ATP2B3: variants seen among roughly 807,000 people sequenced by gnomAD.
ATP2B3 encodes the protein plasma membrane calcium-transporting ATPase 3.
Under a neutral mutation model 70.8 loss-of-function variants are expected in ATP2B3, and 12 were observed. The ratio of observed to expected loss-of-function variants is 0.17; its 90% CI spans 0.11 to 0.27. The LOEUF (loss-of-function observed/expected upper bound fraction) is 0.27, where lower values mean the gene tolerates loss of function less well. Among genes scored for constraint, ATP2B3 ranks in the 10% least tolerant of loss-of-function variants. ATP2B3 has a pLI of 1.00. For missense variants in ATP2B3, 858 were observed against 1,118.5 expected (o/e 0.77, Z 3.32); for synonymous variants, 460 against 497.8 (o/e 0.92, Z 1.01).
At chrX:153,522,311 C>T (rs1244538696) in intron 2 of ATP2B3, among the ~76,000 whole-genome samples, 2 of 112,470 alleles carry the variant, frequency 1.8e-5, no homozygotes, top group Admixed American at 9.3e-5. Context: ...CAATGCCCTT[C>T]CTGCCCTCCT....
intron 21 of ATP2B3, chrX:153,569,754 G>C (rs781991114): frequency 8.3e-7 from 1 of 1,210,190 alleles, no homozygotes. Context: ...AGTGCTGCTG[G>C]GAGTGAGTCT....
At chrX:153,531,261 C>T (rs1233391231) in intron 2 of ATP2B3, among the ~76,000 whole-genome samples, 1 of 113,349 alleles carries the variant, frequency 8.8e-6, no homozygotes, top group Non-Finnish European at 1.9e-5. Context: ...TCCGTGCCCT[C>T]TCCCCACCTG....
At chrX:153,548,904 G>A (rs782462868) in intron 10 of ATP2B3, 50 bp downstream of exon 10, 56 of 1,134,958 alleles carry the variant, frequency 4.9e-5, no homozygotes, top group East Asian at 6.1e-5. Context: ...GGAAACTGGG[G>A]TAAGAAGTCA....
intron 3 of ATP2B3, among the ~76,000 whole-genome samples, chrX:153,538,759 A>G (rs2090233456): frequency 1.8e-5 from 2 of 112,970 alleles, no homozygotes; most frequent in Non-Finnish European, 3.8e-5. Context: ...TCAGAGCCAG[A>G]GGGGCCGCAG....
At chrX:153,547,645 C>T (rs930096476) in intron 8 of ATP2B3, among the ~76,000 whole-genome samples, 190 bp from the exon 9 acceptor site, 7 of 111,327 alleles carry the variant, frequency 6.3e-5, no homozygotes, top group Admixed American at 1.9e-4. Flanking sequence ...TGGAGCCACC[C>T]CACCCACCCC....
rs782645196 is a variant in ATP2B3, at chrX:153,537,780, C to T, written c.208+1325C>T. Among the ~76,000 whole-genome samples the T allele has an allele frequency of 1.2e-3, 133 of 112,687 alleles. No individual in the cohort carries two copies. In the Middle Eastern group the frequency reaches 0.032, roughly 27 times the overall value. On this transcript the variant is annotated intron_variant, in intron 3 of 21. Transcript: ENST00000263519. ...TTTATCCACAAGAGCTCTGGCCTCT[C>T]CCAGATCAAAGGAAGCAGATGGGCC...
intron 19 of ATP2B3, 139 bp downstream of exon 19, chrX:153,561,026 T>G: frequency 1.5e-6 from 1 of 675,475 alleles, no homozygotes; most frequent in Non-Finnish European, 2.2e-6. Context: ...CTGGCTTTCC[T>G]GTAGCCCCCG....
chrX:153,530,464 C>T (rs917027394), intron 2 of ATP2B3, among the ~76,000 whole-genome samples: 24 of 112,701 alleles, frequency 2.1e-4, no homozygotes, highest in African/African-American at 7.4e-4. Context: ...ATCGGGCAAC[C>T]TCCTGGGCTC....
chrX:153,562,024 C>A (rs1220609990), intron 19 of ATP2B3, 111 bp from the exon 20 acceptor site: 1 of 654,144 alleles, frequency 1.5e-6, no homozygotes, highest in African/African-American at 2.1e-5. Flanking sequence ...AAGGAGCAGC[C>A]CGTGCAACTG....
rs782231829 is a variant in ATP2B3 at position 153,550,298 on chromosome X, G to T, written c.1823+12G>T. 4 of 1,209,296 alleles carry T rather than the reference G, an allele frequency of 3.3e-6. No homozygotes were observed. In the East Asian group the frequency reaches 1.2e-4, roughly 36 times the overall value. On this transcript the variant is annotated intron_variant, in intron 12 of 21. Coordinates refer to ENST00000263519, the MANE Select transcript of ATP2B3 (RefSeq NM_001001344.3). ...ATCCTCTTGAAAAAGTGAGTGAGCA[G>T]CAGGGAGGTGCCGGGGTACGCACGG... is the stretch of plus-strand genomic sequence containing the variant.
rs782722592 is a variant in ATP2B3 at position 153,565,113 on chromosome X, G to T, written c.3342+10G>T. The stretch of plus-strand genomic sequence containing the variant: ...CCGGATTCAGACGCAGGTAAGCCCC[G>T]ACTCGCTCTCGCCCTGGCACTTCCA... On this transcript the variant is annotated intron_variant, in intron 21 of 21. Coordinates refer to ENST00000263519, the MANE Select transcript of ATP2B3 (RefSeq NM_001001344.3). The T allele has an allele frequency of 6.0e-6, 7 of 1,168,413 alleles. No individual in the cohort carries two copies. The South Asian group carries it at 9.6e-5, about 16-fold the overall frequency.
rs781959495 is a variant in ATP2B3, at chrX:153,549,542, G to C, written c.1384G>C (p.Glu462Gln). ...CCTGGTGCGCCACCTGGATGCCTGC[G>C]AGACCATGGGCAACGCCACAGCCAT... ...NNLVRHLDAC[E>Q]TMGNATAICS... is the part of the protein sequence containing the mutation. The change falls in exon 11 of 22, where the codon GAG becomes CAG. Residue 462 changes from glutamate to glutamine, a missense_variant. Physicochemically the swap from Glu to Gln is conservative, Grantham distance 29. This residue lies in a region of ATP2B3 where 23 missense variants were observed against 59.0 expected (regional missense o/e 0.39). Transcript: ENST00000263519. 2 of 1,212,163 alleles carry C rather than the reference G, an allele frequency of 1.6e-6. No homozygotes were observed. The highest frequency in any genetic ancestry group is 4.3e-5 in the Admixed American group (2 of 46,108).
chrX:153,545,079 G>A, intron 7 of ATP2B3, among the ~76,000 whole-genome samples: 1 of 80,956 alleles, frequency 1.2e-5, no homozygotes, highest in South Asian at 7.2e-4. Flanking sequence ...CCCCACCCCT[G>A]GCTGAGTAGG....
chrX:153,536,682 G>A (rs1260377246), intron 3 of ATP2B3, among the ~76,000 whole-genome samples: 1 of 112,441 alleles, frequency 8.9e-6, no homozygotes, highest in African/African-American at 3.2e-5. Flanking sequence ...AGACTGGGGA[G>A]GGGGAGATGG....
intron 10 of ATP2B3, among the ~76,000 whole-genome samples, 178 bp from the exon 11 acceptor site, chrX:153,549,319 T>G (rs2090420873): frequency 9.0e-6 from 1 of 110,652 alleles, no homozygotes; most frequent in African/African-American, 3.3e-5. Context: ...TTGGATGAGG[T>G]TGCTGATGCC....
At chrX:153,571,310 C>T (rs782553547) in intron 21 of ATP2B3, among the ~76,000 whole-genome samples, 7 of 112,526 alleles carry the variant, frequency 6.2e-5, no homozygotes, top group Non-Finnish European at 9.4e-5. Flanking sequence ...CAGCAGGGGG[C>T]ATGGCTGTGC....
intron 2 of ATP2B3, among the ~76,000 whole-genome samples, chrX:153,524,431 C>A (rs1248129206): frequency 8.9e-6 from 1 of 111,822 alleles, no homozygotes; most frequent in African/African-American, 3.3e-5. Flanking sequence ...ACAGACAATG[C>A]GAAATGAGGG....
chrX:153,549,951 G>A (rs985375113), intron 11 of ATP2B3, 94 bp from the exon 12 acceptor site: 1 of 1,153,528 alleles, frequency 8.7e-7, no homozygotes, highest in African/African-American at 1.8e-5. Flanking sequence ...CCCTAACAAT[G>A]TGGTGACCAC....
chrX:153,551,106 A>G (rs1557011374), intron 12 of ATP2B3, among the ~76,000 whole-genome samples: 1 of 112,330 alleles, frequency 8.9e-6, no homozygotes, highest in East Asian at 2.8e-4. Flanking sequence ...GTGGACATCT[A>G]GGAGAGGAAT....
Sources: gnomAD v4.1 joint callset for allele counts (sites outside exome capture counted in the v4.1 genomes callset) on GRCh38, gnomAD v4.1.1 for gene constraint, gnomAD v4.1.1 regional missense constraint, MANE v1.5 for transcripts, NCBI Gene and HGNC (gene_info 2026-07-23, HGNC 2026-07-21) for gene names.